RAB14: variants seen among roughly 807,000 people sequenced by gnomAD.
RAB14 encodes RAB14, member RAS oncogene family, also known as ras-related protein Rab-14.
A neutral mutation model predicts 31.1 loss-of-function variants in RAB14; 3 were observed. That is an observed-to-expected ratio of 0.10 (90% CI 0.04 to 0.25). RAB14 has a LOEUF of 0.25. Among genes scored for constraint, RAB14 ranks in the 10% least tolerant of loss-of-function variants. The pLI is 1.00. For synonymous variants in RAB14, 85 were observed against 84.9 expected, an observed-to-expected ratio of 1.00 and a Z score of 0.00; for missense variants, 111 against 260.1, an observed-to-expected ratio of 0.43 and a Z score of 3.94.
intron 1 of RAB14, among the ~76,000 whole-genome samples, chr9:121,197,014 T>C (rs1484744614): frequency 2.0e-5 from 3 of 152,176 alleles, no homozygotes; most frequent in African/African-American, 7.2e-5. Context: ...AGTTTGTAAA[T>C]GGTAGACCTA....
At position 121,178,522 on chromosome 9, in the gene RAB14, CATT is replaced by C. The variant is rs2053611152; in HGVS notation, c.*2871_*2873del. ...GTTTAGGGGAATGAACTGAACCACT[CATT>C]TTTTTAAAATCACACTTAAAAGACA... On this transcript the variant is annotated 3_prime_UTR_variant, in exon 8 of 8. Transcript: ENST00000373840. 1 of 152,574 alleles carries C rather than the reference CATT, an allele frequency of 6.6e-6. No individual in the cohort carries two copies. Among genetic ancestry groups the C allele is most frequent in the South Asian group, 2.1e-4 (1 of 4,824 alleles). 9.5% of individuals were successfully genotyped at this position (152,574 alleles called of 1,614,324 possible). A position where few individuals can be genotyped will look rare whatever the true frequency, so the allele number is the denominator to read the frequency against.
At chr9:121,192,922 A>C (rs1244409814) in intron 2 of RAB14, among the ~76,000 whole-genome samples, 1 of 152,156 alleles carries the variant, frequency 6.6e-6, no homozygotes, top group East Asian at 1.9e-4. Context: ...CTTGAAACTT[A>C]AGGAAAAAAA....
At chr9:121,181,619 A>G (rs1192900117) in intron 7 of RAB14, 46 bp from the exon 8 acceptor site, 1 of 1,486,590 alleles carries the variant, frequency 6.7e-7, no homozygotes, top group South Asian at 1.2e-5. Flanking sequence ...AGTTTTCTAC[A>G]AAAGACAAGA....
At chr9:121,187,847 T>C (rs1237461731) in intron 4 of RAB14, among the ~76,000 whole-genome samples, 1 of 152,074 alleles carries the variant, frequency 6.6e-6, no homozygotes, top group Non-Finnish European at 1.5e-5. Context: ...CACAGAATGT[T>C]AGTCTATCTT....
chr9:121,195,067 A>G (rs1452363911), intron 1 of RAB14, among the ~76,000 whole-genome samples: 1 of 152,150 alleles, frequency 6.6e-6, no homozygotes, highest in Non-Finnish European at 1.5e-5. Flanking sequence ...CAACAACTTT[A>G]TTCCCTTTTC....
chr9:121,200,484 A>G (rs1009593310), intron 1 of RAB14, among the ~76,000 whole-genome samples: 1 of 152,108 alleles, frequency 6.6e-6, no homozygotes, highest in Admixed American at 6.5e-5. Flanking sequence ...TCCTCTTGGA[A>G]CCCGTTTCTT....
intron 1 of RAB14, among the ~76,000 whole-genome samples, chr9:121,195,182 GA>G: frequency 6.6e-6 from 1 of 152,226 alleles, no homozygotes; most frequent in East Asian, 1.9e-4. Context: ...ACACAAGGGG[GA>G]AAAGTAATCT....
Position 121,190,536 on chromosome 9 carries a change from T to A in RAB14, c.284+18A>T. On this transcript the variant is annotated intron_variant, in intron 4 of 7. Coordinates refer to ENST00000373840, the MANE Select transcript of RAB14 (RefSeq NM_016322.4). ...AGATTTATTTTCCCCATATGAAGGT[T>A]GAAAAATTATCTCTTACCTAGTGAT... is the stretch of plus-strand genomic sequence containing the variant. 2 of 1,548,058 alleles carry A rather than the reference T, an allele frequency of 1.3e-6. No homozygotes were observed. Among genetic ancestry groups the A allele is most frequent in the East Asian group, 4.6e-5 (2 of 43,242 alleles).
intron 5 of RAB14, among the ~76,000 whole-genome samples, chr9:121,184,814 A>G (rs927912227): frequency 6.6e-6 from 1 of 152,214 alleles, no homozygotes; most frequent in African/African-American, 2.4e-5. Flanking sequence ...TAAAATAATG[A>G]TACTTAAAAA....
In RAB14 at chr9:121,193,436, C is replaced by A. The variant is rs758387871; in HGVS notation, c.-7-17G>T. 1.3e-6 allele frequency: 2 copies of A among 1,535,560 alleles called. No homozygotes were observed. The highest frequency in any genetic ancestry group is 4.7e-5 in the East Asian group (2 of 42,344). On this transcript the variant is annotated splice_polypyrimidine_tract_variant and intron_variant, in intron 1 of 7. Coordinates refer to ENST00000373840, the MANE Select transcript of RAB14 (RefSeq NM_016322.4). ...ATGGTGGCACTAAAAACAAAGAAAT[C>A]TCTGTTACTTCAGAAGGAAAGCATA...
Position 121,179,813 on chromosome 9 carries a change from A to G in RAB14, c.*1583T>C, listed in dbSNP as rs1367837227. On this transcript the variant is annotated 3_prime_UTR_variant, in exon 8 of 8. Transcript: ENST00000373840. The stretch of plus-strand genomic sequence containing the variant: ...GATGTACTTTTATGTTAGTGTCTGT[A>G]AAGAGGGATTTAAAATGTGTATTTT... 6.6e-6 allele frequency: 1 copy of G among 152,614 alleles called. No homozygotes were observed. Among genetic ancestry groups the G allele is most frequent in the Non-Finnish European group, 1.5e-5 (1 of 68,040 alleles). The allele number at this position is 152,614 out of a possible 1,614,324, so 9.5% of individuals were successfully genotyped here. A position where few individuals can be genotyped will look rare whatever the true frequency, so the allele number is the denominator to read the frequency against.
chr9:121,200,514 A>T (rs2053757043), intron 1 of RAB14, among the ~76,000 whole-genome samples: 1 of 152,200 alleles, frequency 6.6e-6, no homozygotes, highest in Admixed American at 6.5e-5. Flanking sequence ...TGAAACTGAA[A>T]TCCTGGCATC....
chr9:121,191,026 T>C (rs1391885879), intron 3 of RAB14, among the ~76,000 whole-genome samples: 2 of 152,122 alleles, frequency 1.3e-5, no homozygotes, highest in African/African-American at 2.4e-5. Flanking sequence ...CACTGAGGCA[T>C]AAAAGCAGCC....
At chr9:121,194,417 CTCT>C (rs1220481470) in intron 1 of RAB14, among the ~76,000 whole-genome samples, 1 of 152,184 alleles carries the variant, frequency 6.6e-6, no homozygotes, top group Non-Finnish European at 1.5e-5. Flanking sequence ...ATTCTAATTT[CTCT>C]TCTACTTAAA....
chr9:121,181,350 C>A lies in RAB14; in HGVS notation c.*46G>T. The A allele has an allele frequency of 6.7e-7, 1 of 1,490,732 alleles. No individual in the cohort carries two copies. The highest frequency in any genetic ancestry group is 1.3e-5 in the South Asian group (1 of 75,038). 92.3% of individuals were successfully genotyped at this position (1,490,732 alleles called of 1,614,324 possible). ...AGGCAGTAAAAAGTACTGCTTCCAA[C>A]AGACAGAGGTGAAAGGTCAAATGAG... is the stretch of plus-strand genomic sequence containing the variant. On this transcript the variant is annotated 3_prime_UTR_variant, in exon 8 of 8. Transcript: ENST00000373840.
intron 4 of RAB14, 44 bp downstream of exon 4, chr9:121,190,510 T>A: frequency 6.6e-7 from 1 of 1,508,352 alleles, no homozygotes; most frequent in East Asian, 2.3e-5. Context: ...ATGCCCAAAG[T>A]AGATTTATTT....
intron 1 of RAB14, among the ~76,000 whole-genome samples, chr9:121,195,872 C>T (rs2053712485): frequency 6.6e-6 from 1 of 152,066 alleles, no homozygotes; most frequent in Admixed American, 6.6e-5. Flanking sequence ...AATATATTCC[C>T]ATAGTTGACT....
intron 7 of RAB14, 105 bp from the exon 8 acceptor site, chr9:121,181,678 T>TA (rs2053633788): frequency 1.3e-6 from 1 of 765,920 alleles, no homozygotes. Flanking sequence ...GTCTCCAACT[T>TA]AACCACTGTC....
intron 1 of RAB14, among the ~76,000 whole-genome samples, chr9:121,200,740 T>C (rs2053761434): frequency 6.6e-6 from 1 of 152,222 alleles, no homozygotes; most frequent in South Asian, 2.1e-4. Context: ...CGAAGCCAGT[T>C]TGTAATGTAC....
Sources: allele counts gnomAD v4.1 joint callset (sites outside exome capture counted in the v4.1 genomes callset), GRCh38; gene constraint gnomAD v4.1.1; transcripts MANE v1.5; gene names NCBI Gene and HGNC (gene_info 2026-07-23, HGNC 2026-07-21).